The following STX3 variants were observed in gnomAD, a reference collection of about 807,000 sequenced individuals.
The protein encoded by STX3 is syntaxin 3, also known as syntaxin-3.
STX3 carries 19 observed loss-of-function variants against 40.2 expected under a neutral mutation model. That is an observed-to-expected ratio of 0.47 (90% CI 0.33 to 0.69). The LOEUF (loss-of-function observed/expected upper bound fraction) is 0.69, where lower values mean the gene tolerates loss of function less well. STX3 is among the 30% of genes least tolerant of loss of function. The probability of loss-of-function intolerance (pLI) is 0.02; values close to 1 mark genes in which losing one functional copy is unlikely to be tolerated. For synonymous variants in STX3, 122 were observed against 132.2 expected (o/e 0.92, Z 0.53); for missense variants, 364 against 366.7 (o/e 0.99, Z 0.06).
In STX3 at chr11:59,801,062, C is replaced by G. The variant is rs2135051740; in HGVS notation, c.*238C>G. The G allele has an allele frequency of 6.8e-7, 1 of 1,462,564 alleles. No individual in the cohort carries two copies. Among genetic ancestry groups the G allele is most frequent in the African/African-American group, 1.4e-5 (1 of 71,060 alleles). 90.6% of individuals were successfully genotyped at this position (1,462,564 alleles called of 1,614,324 possible). On this transcript the variant is annotated 3_prime_UTR_variant, in exon 11 of 11. Transcript: ENST00000337979. Reference sequence around the variant, plus strand: ...TCCCCAGAGCCTCCTCCTGCCCCACCAGCTCTCAAGTACCTTTTCTCCTGG... The same window carrying G: ...TCCCCAGAGCCTCCTCCTGCCCCACGAGCTCTCAAGTACCTTTTCTCCTGG...
In STX3 at chr11:59,767,702, G is replaced by A. The variant is rs546618601; in HGVS notation, c.31-5509G>A. 5.9e-5 allele frequency among the ~76,000 whole-genome samples: 9 copies of A among 152,322 alleles called. No individual in the cohort carries two copies. In the South Asian group the frequency reaches 1.9e-3, roughly 32 times the overall value. On this transcript the variant is annotated intron_variant, in intron 1 of 10. Coordinates refer to ENST00000337979, the MANE Select transcript of STX3 (RefSeq NM_004177.5). ...GTATTTTTGGAAGTGGCATGCTACA[G>A]TGGGAAAAACTCTGCATGGGAAAAT... is the stretch of plus-strand genomic sequence containing the variant.
intron 10 of STX3, among the ~76,000 whole-genome samples, chr11:59,798,765 C>T (rs1565193983): frequency 2.7e-5 from 4 of 149,388 alleles, no homozygotes; most frequent in Admixed American, 6.7e-5. Context: ...CCACCCGCCT[C>T]GGCCTCCCAA....
chr11:59,786,939 ATGG>A, intron 2 of STX3, 95 bp from the exon 3 acceptor site: 1 of 992,668 alleles, frequency 1.0e-6, no homozygotes, highest in South Asian at 1.5e-5. Flanking sequence ...AACCCAGAAG[ATGG>A]GCAGCTTTCA....
At chr11:59,790,033 TC>T (rs539385987) in intron 4 of STX3, among the ~76,000 whole-genome samples, 1 of 151,970 alleles carries the variant, frequency 6.6e-6, no homozygotes, top group Non-Finnish European at 1.5e-5. Context: ...TACCATTTCT[TC>T]CCCCCAAGTA....
Position 59,755,512 on chromosome 11 carries a change from C to T in STX3, c.-94C>T, listed in dbSNP as rs1170576316. 1.7e-5 allele frequency: 24 copies of T among 1,424,084 alleles called. No homozygotes were observed. The highest frequency in any genetic ancestry group is 2.2e-5 in the Non-Finnish European group (24 of 1,092,438). 88.2% of individuals were successfully genotyped at this position (1,424,084 alleles called of 1,614,324 possible). A position where few individuals can be genotyped will look rare whatever the true frequency, so the allele number is the denominator to read the frequency against. ...TCCAGCTCCTTCGCCCCGGCGGGCCCGGCCGCCGCTTCCGGCAGCTCACCT... is the reference window on the plus strand; with the variant it reads ...TCCAGCTCCTTCGCCCCGGCGGGCCTGGCCGCCGCTTCCGGCAGCTCACCT... On this transcript the variant is annotated 5_prime_UTR_variant, in exon 1 of 11. Coordinates refer to ENST00000337979, the MANE Select transcript of STX3 (RefSeq NM_004177.5).
At chr11:59,800,765 C>T in intron 10 of STX3, 90 bp from the exon 11 acceptor site, 1 of 1,530,662 alleles carries the variant, frequency 6.5e-7, no homozygotes, top group Non-Finnish European at 8.7e-7. Flanking sequence ...GGTCTTTCCT[C>T]CCCACCTTCC....
rs368272172 is a variant in STX3 at position 59,755,580 on chromosome 11, C to G, written c.-26C>G. The G allele has an allele frequency of 6.9e-6, 11 of 1,593,078 alleles. No homozygotes were observed. Among genetic ancestry groups the G allele is most frequent in the Non-Finnish European group, 9.3e-6 (11 of 1,176,638 alleles). On this transcript the variant is annotated 5_prime_UTR_variant, in exon 1 of 11. Transcript: ENST00000337979. ...GACGCGCTCACCTGGGACGCGCTACCTGCCTCCGGGCGCCTGGGCTTCAGG... is the reference window on the plus strand; with the variant it reads ...GACGCGCTCACCTGGGACGCGCTACGTGCCTCCGGGCGCCTGGGCTTCAGG...
chr11:59,771,408 C>CCG (rs1863632599), intron 1 of STX3, among the ~76,000 whole-genome samples: 1 of 129,258 alleles, frequency 7.7e-6, no homozygotes, highest in African/African-American at 3.3e-5. Context: ...CCACCTCCCC[C>CCG]CCCCCGCCCG....
intron 10 of STX3, chr11:59,800,512 C>T (rs1865825221): frequency 2.0e-6 from 2 of 985,380 alleles, no homozygotes; most frequent in Non-Finnish European, 2.4e-6. Flanking sequence ...CAGAAAGCAG[C>T]TCCTGCAGCC....
chr11:59,778,535 TAAAAAG>T (rs1565175227), intron 2 of STX3, among the ~76,000 whole-genome samples: 2 of 152,144 alleles, frequency 1.3e-5, no homozygotes, highest in African/African-American at 2.4e-5. Flanking sequence ...AGATTTCTGT[TAAAAAG>T]AAAGAGAGGG....
chr11:59,795,913 A>C (rs539914519), intron 9 of STX3, among the ~76,000 whole-genome samples: 1 of 152,104 alleles, frequency 6.6e-6, no homozygotes, highest in South Asian at 2.1e-4. Context: ...CTCACAAGCT[A>C]TCTCCCCAAA....
chr11:59,787,152 G>A lies in STX3; in HGVS notation c.214+16G>A. The A allele has an allele frequency of 6.2e-7, 1 of 1,607,130 alleles. No homozygotes were observed. The highest frequency in any genetic ancestry group is 8.5e-7 in the Non-Finnish European group (1 of 1,174,848). On this transcript the variant is annotated intron_variant, in intron 3 of 10. Coordinates refer to ENST00000337979, the MANE Select transcript of STX3 (RefSeq NM_004177.5). ...CCAGAGCCAAGTGAGTGTTTACTTA[G>A]AACTGAGTCATCCAACAATCACCCT...
At chr11:59,797,506 T>C (rs555936720) in intron 10 of STX3, 110 bp downstream of exon 10, 2 of 774,418 alleles carry the variant, frequency 2.6e-6, no homozygotes, top group African/African-American at 3.5e-5. Context: ...TTGGACACAC[T>C]GAGCTTTCTA....
In STX3 at chr11:59,795,405, A is replaced by G. The variant is rs770139932; in HGVS notation, c.709A>G (p.Met237Val). 6 of 1,613,614 alleles carry G rather than the reference A, an allele frequency of 3.7e-6. No individual in the cohort carries two copies. The South Asian group carries it at 6.6e-5, about 18-fold the overall frequency. ...GTTAGATAACATAGAGTTGAATGTCATGCACACAGTGGACCACGTGGAGAA... is the reference window on the plus strand; with the variant it reads ...GTTAGATAACATAGAGTTGAATGTCGTGCACACAGTGGACCACGTGGAGAA... ...EMLDNIELNV[M>V]HTVDHVEKAR... The change falls in exon 9 of 11, where the codon ATG becomes GTG. Residue 237 changes from methionine (M) to valine (V), a missense_variant. Met to Val is a conservative substitution (Grantham distance 21). Coordinates refer to ENST00000337979, the MANE Select transcript of STX3 (RefSeq NM_004177.5).
At position 59,804,248 on chromosome 11, in the gene STX3, C is replaced by T. The variant is rs887608612; in HGVS notation, c.*3424C>T. ...TCAGGGCACTTCTGCTCTTCAGGCT[C>T]CTCTAGGTCACACCTTTGACCACCC... On this transcript the variant is annotated 3_prime_UTR_variant, in exon 11 of 11. Transcript: ENST00000337979. 6.6e-6 allele frequency: 1 copy of T among 152,240 alleles called. No individual in the cohort carries two copies. Among genetic ancestry groups the T allele is most frequent in the African/African-American group, 2.4e-5 (1 of 41,442 alleles). The allele number at this position is 152,240 out of a possible 1,614,324, so 9.4% of individuals were successfully genotyped here.
chr11:59,778,920 C>T (rs751377462), intron 2 of STX3, among the ~76,000 whole-genome samples: 1 of 148,518 alleles, frequency 6.7e-6, no homozygotes, highest in Non-Finnish European at 1.5e-5. Context: ...CTGCAGCCTC[C>T]GCCTCCTCCT....
At chr11:59,778,399 C>G (rs967650192) in intron 2 of STX3, among the ~76,000 whole-genome samples, 6 of 152,112 alleles carry the variant, frequency 3.9e-5, no homozygotes, top group African/African-American at 1.4e-4. Flanking sequence ...ATGGTGTGGG[C>G]CTCCTTAGCT....
At chr11:59,777,925 G>A (rs1379051414) in intron 2 of STX3, among the ~76,000 whole-genome samples, 1 of 152,166 alleles carries the variant, frequency 6.6e-6, no homozygotes, top group Non-Finnish European at 1.5e-5. Flanking sequence ...CTAGAATCTT[G>A]TAGAGGCTTT....
At position 59,755,526 on chromosome 11, in the gene STX3, G is replaced by C; in HGVS notation, c.-80G>C. ...CCCGGCGGGCCCGGCCGCCGCTTCC[G>C]GCAGCTCACCTGGGAAGCGCTCACC... On this transcript the variant is annotated 5_prime_UTR_variant, in exon 1 of 11. Coordinates refer to ENST00000337979, the MANE Select transcript of STX3 (RefSeq NM_004177.5). 1 of 1,482,732 alleles carries C rather than the reference G, an allele frequency of 6.7e-7. No individual in the cohort carries two copies. The highest frequency in any genetic ancestry group is 8.9e-7 in the Non-Finnish European group (1 of 1,124,776). 91.8% of individuals were successfully genotyped at this position (1,482,732 alleles called of 1,614,324 possible).
Sources: gnomAD v4.1 joint callset for allele counts (sites outside exome capture counted in the v4.1 genomes callset) on GRCh38, gnomAD v4.1.1 for gene constraint, MANE v1.5 for transcripts, NCBI Gene and HGNC (gene_info 2026-07-23, HGNC 2026-07-21) for gene names.